Variants in CIMIP6 observed in about 807,000 individuals in gnomAD.
CIMIP6 encodes the protein uncharacterized protein C2orf73.
chr2:54,354,959 T>C, the CIMIP6 span, among the ~76,000 whole-genome samples: 3 of 152,250 alleles, frequency 2.0e-5, no homozygotes, highest in East Asian at 5.8e-4. Flanking sequence ...TTCTTCCTTA[T>C]ATATCAGACA....
At chr2:54,374,649 G>A in the CIMIP6 span, among the ~76,000 whole-genome samples, 8 of 152,194 alleles carry the variant, frequency 5.3e-5, no homozygotes, top group East Asian at 3.8e-4. Context: ...AATGGGTATC[G>A]GAAAGAAAAG....
chr2:54,375,060 T>C, the CIMIP6 span, among the ~76,000 whole-genome samples: 1 of 152,104 alleles, frequency 6.6e-6, no homozygotes, highest in Non-Finnish European at 1.5e-5. Context: ...TTCTCAAGGG[T>C]TTCCAGCTAC....
At chr2:54,369,527 G>A in the CIMIP6 span, among the ~76,000 whole-genome samples, 1 of 152,158 alleles carries the variant, frequency 6.6e-6, no homozygotes. Context: ...AAGTGCTTTA[G>A]AATTTGTAAA....
chr2:54,333,610 G>A, the CIMIP6 span, among the ~76,000 whole-genome samples: 1 of 152,008 alleles, frequency 6.6e-6, no homozygotes, highest in South Asian at 2.1e-4. Flanking sequence ...TGATGTGGGC[G>A]AGGCACAGTG....
chr2:54,371,364 G>T, the CIMIP6 span, among the ~76,000 whole-genome samples: 4 of 152,172 alleles, frequency 2.6e-5, no homozygotes, highest in African/African-American at 9.6e-5. Context: ...GCTCCTATTG[G>T]GTCTTTAGGG....
chr2:54,364,144 T>A, the CIMIP6 span, among the ~76,000 whole-genome samples: 2 of 152,240 alleles, frequency 1.3e-5, no homozygotes, highest in South Asian at 2.1e-4. Context: ...TCTATTTTTT[T>A]AAATGCAAAG....
the CIMIP6 span, among the ~76,000 whole-genome samples, chr2:54,347,707 C>T: frequency 6.6e-6 from 1 of 152,144 alleles, no homozygotes; most frequent in South Asian, 2.1e-4. Context: ...CTCCAAACCT[C>T]TGCCTAGGAT....
the CIMIP6 span, chr2:54,360,251 A>G: frequency 1.2e-6 from 2 of 1,609,472 alleles, no homozygotes; most frequent in Admixed American, 3.4e-5. Flanking sequence ...CAGTAGGCCA[A>G]CAGTTCCTAA....
the CIMIP6 span, among the ~76,000 whole-genome samples, chr2:54,369,811 G>GC: frequency 1.3e-5 from 2 of 152,196 alleles, no homozygotes; most frequent in East Asian, 3.8e-4. Context: ...TCAGTGAGGG[G>GC]CATGAAGGGC....
At chr2:54,350,830 TA>T in the CIMIP6 span, among the ~76,000 whole-genome samples, 1 of 152,222 alleles carries the variant, frequency 6.6e-6, no homozygotes, top group Non-Finnish European at 1.5e-5. Context: ...AAAGCACAGC[TA>T]AATGCAGAAT....
At chr2:54,365,731 A>G in the CIMIP6 span, among the ~76,000 whole-genome samples, 1 of 152,198 alleles carries the variant, frequency 6.6e-6, no homozygotes, top group East Asian at 1.9e-4. Context: ...TATAAATTAA[A>G]CAAAAAGTAT....
At chr2:54,364,834 AAC>A in the CIMIP6 span, among the ~76,000 whole-genome samples, 2 of 152,242 alleles carry the variant, frequency 1.3e-5, no homozygotes, top group Non-Finnish European at 2.9e-5. Context: ...CATCATCCCG[AAC>A]ACAGATAAAT....
the CIMIP6 span, among the ~76,000 whole-genome samples, chr2:54,368,202 C>T: frequency 6.6e-6 from 1 of 152,182 alleles, no homozygotes; most frequent in African/African-American, 2.4e-5. Context: ...ACAGTAGTTT[C>T]ATCAGCAGCT....
At chr2:54,333,543 GA>G in the CIMIP6 span, among the ~76,000 whole-genome samples, 1 of 152,150 alleles carries the variant, frequency 6.6e-6, no homozygotes, top group Admixed American at 6.5e-5. Context: ...CTACAATTAG[GA>G]GGCAGTATTT....
chr2:54,365,391 T>C, the CIMIP6 span, among the ~76,000 whole-genome samples: 2 of 151,762 alleles, frequency 1.3e-5, no homozygotes, highest in South Asian at 2.1e-4. Context: ...AATCCCAAGA[T>C]GAGATGGTTA....
the CIMIP6 span, among the ~76,000 whole-genome samples, chr2:54,346,480 A>G: frequency 6.6e-6 from 1 of 152,160 alleles, no homozygotes; most frequent in Admixed American, 6.6e-5. Context: ...TTGGATAGCT[A>G]GTCACCTTTT....
the CIMIP6 span, among the ~76,000 whole-genome samples, chr2:54,357,577 CTTT>C: frequency 1.6e-4 from 19 of 115,634 alleles, no homozygotes; most frequent in Admixed American, 2.7e-4. Flanking sequence ...CTCTTACGTA[CTTT>C]TTTTTTTTTT....
the CIMIP6 span, chr2:54,360,329 G>A: frequency 3.1e-6 from 5 of 1,611,302 alleles, no homozygotes; most frequent in Non-Finnish European, 3.4e-6. Flanking sequence ...AACAGAGAAA[G>A]GAAACTCAGC....
the CIMIP6 span, among the ~76,000 whole-genome samples, chr2:54,359,764 T>C: frequency 6.6e-6 from 1 of 152,196 alleles, no homozygotes; most frequent in East Asian, 1.9e-4. Flanking sequence ...TATAGATGTT[T>C]GCTTTCATAT....
Sources: gnomAD v4.1 joint callset for allele counts (sites outside exome capture counted in the v4.1 genomes callset) on GRCh38, gnomAD v4.1.1 for gene constraint, MANE v1.5 for transcripts, NCBI Gene and HGNC (gene_info 2026-07-23, HGNC 2026-07-21) for gene names.